WWOX: variants seen among roughly 807,000 people sequenced by gnomAD.
WWOX encodes WW domain containing oxidoreductase, also known as WW domain-containing oxidoreductase.
Under a neutral mutation model 46.2 loss-of-function variants are expected in WWOX, and 69 were observed. That is an observed-to-expected ratio of 1.49 (90% CI 1.23 to 1.82). The LOEUF is 1.82. WWOX is among the 40% of genes most tolerant of loss of function. WWOX has a pLI of 0.00. For missense variants in WWOX, 919 were observed against 542.6 expected (o/e 1.69, Z -6.89); for synonymous variants, 359 against 202.6 (o/e 1.77, Z -6.56).
intron 5 of WWOX, among the ~76,000 whole-genome samples, chr16:78,366,840 A>T (rs2081545428): frequency 6.6e-6 from 1 of 152,144 alleles, no homozygotes; most frequent in Admixed American, 6.5e-5. Context: ...TTTTCTTTCT[A>T]CACATATAGA....
chr16:79,211,826 C>A lies in WWOX; in HGVS notation c.*30C>A. The A allele has an allele frequency of 6.2e-7, 1 of 1,613,358 alleles. No homozygotes were observed. Among genetic ancestry groups the A allele is most frequent in the Non-Finnish European group, 8.5e-7 (1 of 1,179,852 alleles). On this transcript the variant is annotated 3_prime_UTR_variant, in exon 9 of 9. Transcript: ENST00000566780. Reference sequence around the variant, plus strand: ...AGCTCAGAGCGGATGGGCACACACACCCGCCCTGTGTGTGTCCCCTCACGC... The same window carrying A: ...AGCTCAGAGCGGATGGGCACACACAACCGCCCTGTGTGTGTCCCCTCACGC...
intron 8 of WWOX, among the ~76,000 whole-genome samples, chr16:78,529,039 G>T (rs1466599281): frequency 1.4e-5 from 2 of 146,556 alleles, no homozygotes; most frequent in African/African-American, 2.5e-5. Context: ...CTATAGCCTT[G>T]ACCTCTCTGG....
intron 8 of WWOX, among the ~76,000 whole-genome samples, chr16:79,138,563 C>A (rs966025801): frequency 1.9e-4 from 29 of 152,298 alleles, no homozygotes; most frequent in African/African-American, 7.0e-4. Context: ...GGCAGGCAGT[C>A]TTGATTAGGC....
At chr16:78,216,795 G>T (rs112763377) in intron 5 of WWOX, among the ~76,000 whole-genome samples, 8,116 of 152,048 alleles carry the variant, frequency 0.053, 264 homozygotes, top group Middle Eastern at 0.1. Flanking sequence ...GCAGTGGCTT[G>T]ATCTTGGCTC....
At chr16:78,115,876 G>T (rs1041281984) in intron 4 of WWOX, among the ~76,000 whole-genome samples, 1 of 152,082 alleles carries the variant, frequency 6.6e-6, no homozygotes, top group African/African-American at 2.4e-5. Flanking sequence ...CAGATTTGTC[G>T]ACATATGAAA....
At chr16:78,315,783 C>A (rs750027511) in intron 5 of WWOX, among the ~76,000 whole-genome samples, 1 of 152,016 alleles carries the variant, frequency 6.6e-6, no homozygotes, top group African/African-American at 2.4e-5. Context: ...TCGCCATTTT[C>A]AGATGGGTAA....
At chr16:78,848,542 T>C (rs1468475315) in intron 8 of WWOX, among the ~76,000 whole-genome samples, 1 of 152,144 alleles carries the variant, frequency 6.6e-6, no homozygotes, top group Non-Finnish European at 1.5e-5. Context: ...AAGTCCTTTA[T>C]GTGGTGTTGC....
intron 8 of WWOX, among the ~76,000 whole-genome samples, chr16:78,578,363 C>T (rs550262626): frequency 1.5e-5 from 2 of 136,518 alleles, no homozygotes; most frequent in African/African-American, 5.6e-5. Flanking sequence ...AATCTCGGCT[C>T]ACTGCAAGCT....
Position 78,843,263 on chromosome 16 carries a change from C to G in WWOX, c.1057-368345C>G, listed in dbSNP as rs1000993024. Among the ~76,000 whole-genome samples the G allele has an allele frequency of 1.1e-4, 17 of 150,128 alleles. 1 individual carries two copies. Among genetic ancestry groups the G allele is most frequent in the African/African-American group, 3.6e-4 (15 of 41,280 alleles). On this transcript the variant is annotated intron_variant, in intron 8 of 8. Coordinates refer to ENST00000566780, the MANE Select transcript of WWOX (RefSeq NM_016373.4). ...CCAGATCCTTCATGAGCTTGTACCT[C>G]TAAAGAATGCGATTTTTCTATTTCT...
chr16:79,154,261 G>A (rs1077008), intron 8 of WWOX, among the ~76,000 whole-genome samples: 5,810 of 152,256 alleles, frequency 0.038, 207 homozygotes, highest in South Asian at 0.18. Flanking sequence ...CCTGGACACC[G>A]GTGAGGTCAC....
intron 8 of WWOX, among the ~76,000 whole-genome samples, chr16:79,031,009 C>A (rs11863336): frequency 4.0e-5 from 6 of 150,740 alleles, no homozygotes; most frequent in African/African-American, 1.5e-4. Context: ...GGAGAATCAC[C>A]CGAGGCTGGG....
chr16:78,686,778 T>C (rs909234331), intron 8 of WWOX, among the ~76,000 whole-genome samples: 1 of 152,202 alleles, frequency 6.6e-6, no homozygotes. Flanking sequence ...TGTAGCTATC[T>C]AACAGAGACA....
At chr16:78,515,358 T>C (rs1410341389) in intron 8 of WWOX, among the ~76,000 whole-genome samples, 2 of 152,230 alleles carry the variant, frequency 1.3e-5, no homozygotes, top group Non-Finnish European at 2.9e-5. Context: ...TTTCAGACTC[T>C]GCGTACAGCT....
At chr16:78,781,261 C>G (rs552401215) in intron 8 of WWOX, among the ~76,000 whole-genome samples, 31 of 152,226 alleles carry the variant, frequency 2.0e-4, no homozygotes, top group African/African-American at 7.0e-4. Context: ...GGGCACTCAG[C>G]TATAAATAGA....
Position 78,904,234 on chromosome 16 carries a change from C to CTT in WWOX, c.1057-307351_1057-307350dup, listed in dbSNP as rs5818190. Among the ~76,000 whole-genome samples the CTT allele has an allele frequency of 8.2e-4, 70 of 85,784 alleles. 2 individuals carry two copies. The highest frequency in any genetic ancestry group is 2.0e-3 in the African/African-American group (46 of 22,848). The allele number at this position is 85,784 out of a possible 152,430, so 56.3% of individuals were successfully genotyped here. The stretch of plus-strand genomic sequence containing the variant: ...ATCACTTAGATGATCTTATAAATGC[C>CTT]TTTTTTTTTTTTTTTTTTTTTTTTA... On this transcript the variant is annotated intron_variant, in intron 8 of 8. Coordinates refer to ENST00000566780, the MANE Select transcript of WWOX (RefSeq NM_016373.4).
intron 8 of WWOX, among the ~76,000 whole-genome samples, chr16:78,752,783 A>G (rs2049518506): frequency 1.3e-5 from 2 of 152,216 alleles, no homozygotes; most frequent in South Asian, 4.1e-4. Context: ...AGTAGTCTCC[A>G]ATAAATTTAA....
At chr16:78,911,209 C>T (rs1211125333) in intron 8 of WWOX, among the ~76,000 whole-genome samples, 3 of 151,880 alleles carry the variant, frequency 2.0e-5, no homozygotes, top group African/African-American at 7.2e-5. Flanking sequence ...CAAAAAGGAT[C>T]TTTGATTTAA....
At chr16:78,279,615 C>G (rs1199192870) in intron 5 of WWOX, among the ~76,000 whole-genome samples, 1 of 152,122 alleles carries the variant, frequency 6.6e-6, no homozygotes, top group African/African-American at 2.4e-5. Flanking sequence ...CTGCTGCTGG[C>G]AGTGATTTAT....
At chr16:78,433,485 A>T (rs1230670595) in intron 8 of WWOX, among the ~76,000 whole-genome samples, 1 of 152,350 alleles carries the variant, frequency 6.6e-6, no homozygotes, top group East Asian at 1.9e-4. Context: ...TTTCAAAACC[A>T]AAGGACTTCA....
Sources: allele counts gnomAD v4.1 joint callset (sites outside exome capture counted in the v4.1 genomes callset), GRCh38; gene constraint gnomAD v4.1.1; transcripts MANE v1.5; gene names NCBI Gene and HGNC (gene_info 2026-07-23, HGNC 2026-07-21).